Variants in GRAMD1B observed in about 807,000 individuals in gnomAD.
GRAMD1B encodes protein Aster-B.
GRAMD1B carries 37 observed loss-of-function variants against 99.7 expected under a neutral mutation model. The ratio of observed to expected loss-of-function variants is 0.37; its 90% CI spans 0.29 to 0.49. GRAMD1B has a LOEUF of 0.49. Ranked by LOEUF, GRAMD1B falls within the 20% of genes least tolerant of loss-of-function variation. GRAMD1B has a pLI of 0.98. For missense variants in GRAMD1B, 888 were observed against 1,009.2 expected (o/e 0.88, Z 1.63); for synonymous variants, 427 against 387.6 (o/e 1.10, Z -1.19).
At chr11:123,598,336 C>G in intron 7 of GRAMD1B, 2 of 1,190,162 alleles carry the variant, frequency 1.7e-6, no homozygotes, top group Admixed American at 3.4e-5. Context: ...ATCTCGTTCT[C>G]TTCATCTTCA....
intron 1 of GRAMD1B, among the ~76,000 whole-genome samples, chr11:123,400,150 T>C (rs1165703580): frequency 2.0e-5 from 3 of 152,192 alleles, no homozygotes; most frequent in Non-Finnish European, 4.4e-5. Context: ...TGGGGTACTG[T>C]AACAGAACAC....
At chr11:123,446,800 C>T (rs899343919) in intron 1 of GRAMD1B, among the ~76,000 whole-genome samples, 2 of 151,720 alleles carry the variant, frequency 1.3e-5, no homozygotes, top group South Asian at 2.1e-4. Flanking sequence ...CTGGGCATGG[C>T]GGTGTGTGCG....
Position 123,623,054 on chromosome 11 carries a change from T to G in GRAMD1B, c.*459T>G, listed in dbSNP as rs1007320445. ...AAATAAAAGAGAATCTTTTCTTCCC[T>G]ACCCCAGGCTTCCCCAGGCATTCTC... On this transcript the variant is annotated 3_prime_UTR_variant, in exon 20 of 20. Coordinates refer to ENST00000635736, the MANE Select transcript of GRAMD1B (RefSeq NM_001387025.1). 1 of 152,210 alleles carries G rather than the reference T, an allele frequency of 6.6e-6. No individual in the cohort carries two copies. The highest frequency in any genetic ancestry group is 2.4e-5 in the African/African-American group (1 of 41,428). The allele number at this position is 152,210 out of a possible 1,614,324, so 9.4% of individuals were successfully genotyped here.
intron 1 of GRAMD1B, among the ~76,000 whole-genome samples, chr11:123,362,007 C>T (rs1946162302): frequency 6.6e-6 from 1 of 152,218 alleles, no homozygotes; most frequent in Non-Finnish European, 1.5e-5. Flanking sequence ...GCAGCAGCCT[C>T]ATACACAGAT....
chr11:123,457,159 G>A (rs1406194521), intron 1 of GRAMD1B, among the ~76,000 whole-genome samples: 3 of 94,226 alleles, frequency 3.2e-5, no homozygotes, highest in Non-Finnish European at 6.9e-5. Flanking sequence ...TTTATCCCTC[G>A]AATCCCTTCC....
chr11:123,579,093 C>G (rs1220698347), intron 3 of GRAMD1B, among the ~76,000 whole-genome samples: 1 of 152,204 alleles, frequency 6.6e-6, no homozygotes, highest in East Asian at 1.9e-4. Flanking sequence ...GGTGGGGTGC[C>G]CATGCCTGGA....
At chr11:123,432,935 T>C (rs1365517455) in intron 1 of GRAMD1B, among the ~76,000 whole-genome samples, 1 of 152,172 alleles carries the variant, frequency 6.6e-6, no homozygotes, top group Non-Finnish European at 1.5e-5. Context: ...ATACAGAGCT[T>C]TGTTCCGTGG....
intron 1 of GRAMD1B, among the ~76,000 whole-genome samples, chr11:123,365,618 C>A (rs1265131184): frequency 6.6e-6 from 1 of 152,186 alleles, no homozygotes; most frequent in Non-Finnish European, 1.5e-5. Flanking sequence ...AGTTCTGCAC[C>A]TCTGCAGGTA....
intron 1 of GRAMD1B, among the ~76,000 whole-genome samples, chr11:123,424,050 G>T (rs1948556737): frequency 6.6e-6 from 1 of 151,690 alleles, no homozygotes; most frequent in Non-Finnish European, 1.5e-5. Context: ...TTTTTCCCCT[G>T]CCCTATTTCA....
At chr11:123,415,894 CTTTT>C (rs1948218685) in intron 1 of GRAMD1B, among the ~76,000 whole-genome samples, 2 of 152,126 alleles carry the variant, frequency 1.3e-5, no homozygotes, top group Admixed American at 1.3e-4. Flanking sequence ...TACACACAGC[CTTTT>C]TTCAAAAACC....
rs1953329220 is a variant in GRAMD1B, at chr11:123,610,080, T to C, written c.1777-116T>C. 2 of 931,854 alleles carry C rather than the reference T, an allele frequency of 2.1e-6. No individual in the cohort carries two copies. The highest frequency in any genetic ancestry group is 1.5e-5 in the South Asian group (1 of 65,136). The allele number at this position is 931,854 out of a possible 1,614,324, so 57.7% of individuals were successfully genotyped here. ...TAGTTGCTGCTGATTCCAGTGATCCTGGTTCTCCTGTTCAGAAGCCGTGGG... is the reference window on the plus strand; with the variant it reads ...TAGTTGCTGCTGATTCCAGTGATCCCGGTTCTCCTGTTCAGAAGCCGTGGG... On this transcript the variant is annotated intron_variant, in intron 13 of 19. Transcript: ENST00000635736. This position sits in a 1 kb window ranked among gnomAD's most constrained non-coding sequence, Gnocchi z 4.1.
intron 1 of GRAMD1B, among the ~76,000 whole-genome samples, chr11:123,473,103 C>A (rs1951094743): frequency 6.9e-6 from 1 of 145,754 alleles, no homozygotes. Flanking sequence ...TCGCTCTTGT[C>A]CCCCAGGCTG....
At chr11:123,597,331 A>G (rs928774481) in intron 7 of GRAMD1B, among the ~76,000 whole-genome samples, 1 of 134,700 alleles carries the variant, frequency 7.4e-6, no homozygotes, top group Non-Finnish European at 1.5e-5. Flanking sequence ...TTCTCAAGCA[A>G]CCCTCCTGCC....
intron 1 of GRAMD1B, among the ~76,000 whole-genome samples, chr11:123,433,553 T>A (rs996640042): frequency 6.6e-6 from 1 of 151,902 alleles, no homozygotes; most frequent in Non-Finnish European, 1.5e-5. Context: ...GCTACTTGGG[T>A]TGTGGTGTGA....
chr11:123,430,736 G>A lies in GRAMD1B; in HGVS notation c.-57G>A, dbSNP rs967781953. The A allele has an allele frequency of 3.6e-5, 22 of 611,258 alleles. No homozygotes were observed. The highest frequency in any genetic ancestry group is 6.4e-5 in the Non-Finnish European group (22 of 345,104). The allele number at this position is 611,258 out of a possible 1,614,324, so 37.9% of individuals were successfully genotyped here. On this transcript the variant is annotated 5_prime_UTR_variant, in exon 1 of 20. Coordinates refer to ENST00000635736, the MANE Select transcript of GRAMD1B (RefSeq NM_001387025.1). The stretch of plus-strand genomic sequence containing the variant: ...CGAGGGTGGGGAACAGCCAGAGGGA[G>A]ACGCGAACCAGGCCGCTGGCGGAGG...
chr11:123,576,683 G>A (rs1368018222), intron 2 of GRAMD1B, among the ~76,000 whole-genome samples: 1 of 152,168 alleles, frequency 6.6e-6, no homozygotes, highest in Non-Finnish European at 1.5e-5. Context: ...CTTTACCCTG[G>A]GCAGAGGAAG....
At chr11:123,443,301 A>G (rs1242006248) in intron 1 of GRAMD1B, among the ~76,000 whole-genome samples, 1 of 151,866 alleles carries the variant, frequency 6.6e-6, no homozygotes, top group Non-Finnish European at 1.5e-5. Flanking sequence ...AGATGAAAAA[A>G]GTCAAACTCT....
chr11:123,544,482 A>G (rs1385144525), intron 2 of GRAMD1B, among the ~76,000 whole-genome samples: 1 of 152,134 alleles, frequency 6.6e-6, no homozygotes, highest in African/African-American at 2.4e-5. Flanking sequence ...TTTAGTTCAT[A>G]TATGTCTCTC....
chr11:123,431,104 A>C lies in GRAMD1B; in HGVS notation c.312A>C (p.Arg104=). ...CCACACCCAGCGCGTCCCCGCGCCG[A>C]AAACGCTTCCTCCTCCGCAAGTGGC... ...NCSTPSASPR[R]KRFLLRKWLR... The change falls in exon 1 of 20, where the codon CGA becomes CGC. Residue 104 remains arginine, a synonymous_variant. Transcript: ENST00000635736. The C allele has an allele frequency of 1.4e-6, 1 of 703,026 alleles. No individual in the cohort carries two copies. Among genetic ancestry groups the C allele is most frequent in the Non-Finnish European group, 2.6e-6 (1 of 384,998 alleles). The allele number at this position is 703,026 out of a possible 1,614,324, so 43.5% of individuals were successfully genotyped here.
Sources: gnomAD v4.1 joint callset for allele counts (sites outside exome capture counted in the v4.1 genomes callset) on GRCh38, gnomAD v4.1.1 for gene constraint, Gnocchi (gnomAD v3.1) non-coding constraint, MANE v1.5 for transcripts, NCBI Gene and HGNC (gene_info 2026-07-23, HGNC 2026-07-21) for gene names.